Variants in KIF16B observed in about 807,000 individuals in gnomAD.
KIF16B encodes the protein kinesin family member 16B.
In KIF16B, 98 loss-of-function variants were observed where a neutral mutation model predicts 156.3. The ratio of observed to expected loss-of-function variants is 0.63; its 90% confidence interval spans 0.53 to 0.74. The LOEUF (loss-of-function observed/expected upper bound fraction) is 0.74, where lower values mean the gene tolerates loss of function less well. Among genes scored for constraint, KIF16B ranks in the 30% least tolerant of loss-of-function variants. The pLI, the probability that KIF16B is intolerant of heterozygous loss-of-function variation, is 0.00. For missense variants in KIF16B, 1,421 were observed against 1,606.5 expected (o/e 0.88, Z 1.97); for synonymous variants, 564 against 583.7 (o/e 0.97, Z 0.49).
At chr20:16,460,677 T>C (rs1006087616) in intron 12 of KIF16B, among the ~76,000 whole-genome samples, 50 of 150,840 alleles carry the variant, frequency 3.3e-4, no homozygotes, top group African/African-American at 1.2e-3. Context: ...TAAATCAAAA[T>C]GAAGATGAAG....
intron 22 of KIF16B, among the ~76,000 whole-genome samples, chr20:16,370,248 CAGG>C (rs1352497692): frequency 6.6e-6 from 1 of 152,122 alleles, no homozygotes; most frequent in Non-Finnish European, 1.5e-5. Context: ...ATAAAATGGA[CAGG>C]AGGAGTACTG....
At chr20:16,382,250 C>A in intron 17 of KIF16B, 1 of 373,348 alleles carries the variant, frequency 2.7e-6, no homozygotes. Flanking sequence ...AAGGCAATAG[C>A]CATGCATGAA....
At chr20:16,409,989 A>G (rs1292224767) in intron 15 of KIF16B, among the ~76,000 whole-genome samples, 1 of 119,442 alleles carries the variant, frequency 8.4e-6, no homozygotes, top group Non-Finnish European at 1.7e-5. Context: ...ATATATATAT[A>G]TATGTAGGTA....
intron 4 of KIF16B, among the ~76,000 whole-genome samples, chr20:16,514,885 CAAAAAAAAAAAA>C (rs10564862): frequency 1.5e-4 from 9 of 60,780 alleles, no homozygotes; most frequent in African/African-American, 3.0e-4. Context: ...GATTCCATCT[CAAAAAAAAAAAA>C]AAAAAAAAAA....
intron 25 of KIF16B, among the ~76,000 whole-genome samples, chr20:16,285,828 C>G (rs1226900480): frequency 6.6e-6 from 1 of 152,008 alleles, no homozygotes; most frequent in South Asian, 2.1e-4. Flanking sequence ...AAAAACAAAA[C>G]AAAACAAACA....
At chr20:16,402,670 C>T (rs1313264294) in intron 17 of KIF16B, among the ~76,000 whole-genome samples, 1 of 152,166 alleles carries the variant, frequency 6.6e-6, no homozygotes, top group African/African-American at 2.4e-5. Flanking sequence ...GGCTAGTCCA[C>T]ATGTGACTGA....
intron 22 of KIF16B, chr20:16,367,139 C>G (rs749589333): frequency 6.4e-7 from 1 of 1,555,278 alleles, no homozygotes; most frequent in Non-Finnish European, 8.7e-7. Flanking sequence ...CTTTAAAAGT[C>G]TCCTCCTTAG....
intron 22 of KIF16B, among the ~76,000 whole-genome samples, chr20:16,358,677 G>A (rs1279871900): frequency 1.3e-5 from 2 of 151,880 alleles, no homozygotes; most frequent in Non-Finnish European, 2.9e-5. Flanking sequence ...ACTCTTACAA[G>A]TGAACTGGTA....
At chr20:16,293,088 A>G (rs2063335969) in intron 25 of KIF16B, among the ~76,000 whole-genome samples, 1 of 152,222 alleles carries the variant, frequency 6.6e-6, no homozygotes, top group African/African-American at 2.4e-5. Flanking sequence ...ACACTGAACA[A>G]ATGGAATTCC....
Position 16,573,306 on chromosome 20 carries a change from C to G in KIF16B, c.-31G>C. ...ATCCCGAACCAGCCCGCGCGGGGTC[C>G]CACTAGCCCAGAACTCCGCGGTCGC... On this transcript the variant is annotated 5_prime_UTR_variant, in exon 1 of 26. Transcript: ENST00000354981. 1 of 1,608,496 alleles carries G rather than the reference C, an allele frequency of 6.2e-7. No homozygotes were observed. Among genetic ancestry groups the G allele is most frequent in the Non-Finnish European group, 8.5e-7 (1 of 1,178,284 alleles).
At chr20:16,392,476 A>G (rs2065389926) in intron 17 of KIF16B, among the ~76,000 whole-genome samples, 1 of 152,198 alleles carries the variant, frequency 6.6e-6, no homozygotes, top group South Asian at 2.1e-4. Flanking sequence ...GAGAAGGGAA[A>G]CTTGAAGATG....
At chr20:16,445,419 C>CGTGTGTGTGTGTGTGT (rs11467171) in intron 12 of KIF16B, among the ~76,000 whole-genome samples, 4,169 of 146,812 alleles carry the variant, frequency 0.028, 202 homozygotes, top group African/African-American at 0.098. Context: ...CATGTATATA[C>CGTGTGTGTGTGTGTGT]GTGTGTGTGT....
intron 1 of KIF16B, among the ~76,000 whole-genome samples, chr20:16,572,716 C>CA (rs1234227113): frequency 6.6e-6 from 1 of 152,204 alleles, no homozygotes; most frequent in Non-Finnish European, 1.5e-5. Context: ...AGGACTTTGT[C>CA]AAAGTTTTCC....
At chr20:16,494,575 T>C (rs1049727283) in intron 11 of KIF16B, among the ~76,000 whole-genome samples, 1 of 152,194 alleles carries the variant, frequency 6.6e-6, no homozygotes, top group East Asian at 1.9e-4. Flanking sequence ...ATTTGTCAAT[T>C]TGCCTAGAAT....
rs59500568 is a variant in KIF16B at position 16,409,163 on chromosome 20, A to G, written c.1613-2707T>C. Among the ~76,000 whole-genome samples the G allele has an allele frequency of 1.8e-3, 271 of 152,286 alleles. 2 individuals carry two copies. In the East Asian group the frequency reaches 0.026, roughly 15 times the overall value. Reference sequence around the variant, plus strand: ...ATAAGGGTTTATTATAGGGGAAACTAGAGAAGGATATCTTCAAGGGAGGTG... The same window carrying G: ...ATAAGGGTTTATTATAGGGGAAACTGGAGAAGGATATCTTCAAGGGAGGTG... On this transcript the variant is annotated intron_variant, in intron 15 of 25. Transcript: ENST00000354981.
chr20:16,495,353 T>C (rs1282236848), intron 11 of KIF16B, among the ~76,000 whole-genome samples: 2 of 152,202 alleles, frequency 1.3e-5, no homozygotes, highest in African/African-American at 4.8e-5. Context: ...ATAAACTGAT[T>C]TTCTATATGC....
intron 10 of KIF16B, among the ~76,000 whole-genome samples, chr20:16,499,180 G>A (rs1005483737): frequency 3.3e-5 from 5 of 152,154 alleles, no homozygotes; most frequent in African/African-American, 1.2e-4. Flanking sequence ...CACACCCACA[G>A]AACCCAGCAT....
chr20:16,441,952 T>C (rs182737808), intron 12 of KIF16B, among the ~76,000 whole-genome samples: 84 of 152,316 alleles, frequency 5.5e-4, no homozygotes, highest in Admixed American at 4.2e-3. Context: ...GAAAGATCTA[T>C]CTATATTACA....
In KIF16B at chr20:16,377,199, G is replaced by A. The variant is rs146084713; in HGVS notation, c.3197+1606C>T. On this transcript the variant is annotated intron_variant, in intron 19 of 25. Coordinates refer to ENST00000354981, the MANE Select transcript of KIF16B (RefSeq NM_024704.5). ...ACTTCTGTTGAAGCCCCCTTAGGAG[G>A]TGCTGTGGGTGGGGGGAGTACTGCG... is the stretch of plus-strand genomic sequence containing the variant. Among the ~76,000 whole-genome samples, 10 of 152,200 alleles carry A rather than the reference G, an allele frequency of 6.6e-5. No homozygotes were observed. In the East Asian group the frequency reaches 1.9e-3, roughly 30 times the overall value.
Sources: allele counts gnomAD v4.1 joint callset (sites outside exome capture counted in the v4.1 genomes callset), GRCh38; gene constraint gnomAD v4.1.1; transcripts MANE v1.5; gene names NCBI Gene and HGNC (gene_info 2026-07-23, HGNC 2026-07-21).